The following RBFOX1 variants were observed in gnomAD, a reference collection of about 807,000 sequenced individuals.
RBFOX1 encodes the protein RNA binding fox-1 homolog 1.
RBFOX1 carries 8 observed loss-of-function variants against 57.7 expected under a neutral mutation model. The observed-to-expected ratio is 0.14, with a 90% CI of 0.08 to 0.25. RBFOX1 has a LOEUF of 0.25. Ranked by LOEUF, RBFOX1 falls within the 10% of genes least tolerant of loss-of-function variation. The pLI is 1.00. For synonymous variants in RBFOX1, 326 were observed against 222.4 expected (o/e 1.47, Z -4.15); for missense variants, 611 against 548.5 (o/e 1.11, Z -1.14).
chr16:5,375,259 C>T (rs2065956284), intron 1 of RBFOX1, among the ~76,000 whole-genome samples: 1 of 152,058 alleles, frequency 6.6e-6, no homozygotes, highest in Admixed American at 6.6e-5. Flanking sequence ...AATCAATTGA[C>T]CATGGAAGCT....
intron 4 of RBFOX1, among the ~76,000 whole-genome samples, chr16:7,219,486 C>T (rs1567760818): frequency 1.3e-5 from 2 of 152,150 alleles, no homozygotes; most frequent in Non-Finnish European, 2.9e-5. Context: ...ATGCATCTTT[C>T]CCTGAAAGCT....
intron 2 of RBFOX1, among the ~76,000 whole-genome samples, chr16:6,349,727 AAG>A (rs2085963841): frequency 6.6e-6 from 1 of 152,236 alleles, no homozygotes; most frequent in South Asian, 2.1e-4. Flanking sequence ...CCATGAAAAA[AAG>A]AGTAACATTA....
chr16:7,033,672 A>G (rs1030668818), intron 3 of RBFOX1, among the ~76,000 whole-genome samples: 3 of 152,118 alleles, frequency 2.0e-5, no homozygotes, highest in African/African-American at 7.2e-5. Context: ...GGAGGCTGGG[A>G]TGGGGCTTGG....
chr16:7,425,181 G>C (rs1342795692), intron 4 of RBFOX1, among the ~76,000 whole-genome samples: 1 of 152,086 alleles, frequency 6.6e-6, no homozygotes, highest in Non-Finnish European at 1.5e-5. Context: ...GTTTTGAAGT[G>C]CATTTTTGCT....
chr16:6,935,401 C>T (rs938090484), intron 3 of RBFOX1, among the ~76,000 whole-genome samples: 1 of 152,248 alleles, frequency 6.6e-6, no homozygotes, highest in African/African-American at 2.4e-5. Flanking sequence ...ATGTGACTTC[C>T]AACAGTAGAT....
intron 3 of RBFOX1, among the ~76,000 whole-genome samples, chr16:5,645,697 G>A (rs2151343352): frequency 6.6e-6 from 1 of 152,296 alleles, no homozygotes; most frequent in East Asian, 1.9e-4. Flanking sequence ...ACAGGATCTT[G>A]GTCTGGCACC....
At chr16:5,863,309 C>T (rs1405970342) in intron 3 of RBFOX1, among the ~76,000 whole-genome samples, 1 of 152,194 alleles carries the variant, frequency 6.6e-6, no homozygotes, top group Non-Finnish European at 1.5e-5. Context: ...GGAAGTTTCC[C>T]ACGTCCGTTT....
chr16:6,987,621 C>T (rs531444770), intron 3 of RBFOX1, among the ~76,000 whole-genome samples: 1 of 152,220 alleles, frequency 6.6e-6, no homozygotes, highest in African/African-American at 2.4e-5. Flanking sequence ...ATGGAATTTC[C>T]ATTCCGTTGA....
chr16:7,308,720 A>C (rs2096248301), intron 4 of RBFOX1, among the ~76,000 whole-genome samples: 1 of 152,202 alleles, frequency 6.6e-6, no homozygotes, highest in African/African-American at 2.4e-5. Flanking sequence ...TTTAATTAGA[A>C]AGCGATTCTC....
intron 3 of RBFOX1, among the ~76,000 whole-genome samples, chr16:6,844,701 C>G (rs186762759): frequency 6.6e-6 from 1 of 152,068 alleles, no homozygotes; most frequent in African/African-American, 2.4e-5. Flanking sequence ...GGTATATAGC[C>G]AGTAATTGGA....
rs539274751 is a variant in RBFOX1, at chr16:7,662,029, G to T, written c.891-2900G>T. Among the ~76,000 whole-genome samples, 12 of 152,232 alleles carry T rather than the reference G, an allele frequency of 7.9e-5. No individual in the cohort carries two copies. In the South Asian group the frequency reaches 2.3e-3, roughly 29 times the overall value. On this transcript the variant is annotated intron_variant, in intron 12 of 15. Transcript: ENST00000550418. ...ATGGTGCATAACAACTTGTCTTAAT[G>T]AAAGAAGGGATCAGTTTCTTGGCCA...
intron 4 of RBFOX1, among the ~76,000 whole-genome samples, chr16:7,112,127 G>C (rs2064905536): frequency 1.3e-5 from 2 of 152,176 alleles, no homozygotes; most frequent in Non-Finnish European, 2.9e-5. Flanking sequence ...ACCAAGTGTT[G>C]AAATATTAAA....
intron 4 of RBFOX1, among the ~76,000 whole-genome samples, chr16:7,310,687 ACTTGCCCAAAC>A (rs1469768561): frequency 1.3e-5 from 2 of 152,202 alleles, no homozygotes; most frequent in African/African-American, 4.8e-5. Flanking sequence ...TTAAACATAG[ACTTGCCCAAAC>A]CAAATAAAAC....
chr16:6,999,304 G>A (rs567366797), intron 3 of RBFOX1, among the ~76,000 whole-genome samples: 2 of 148,872 alleles, frequency 1.3e-5, no homozygotes, highest in South Asian at 4.3e-4. Context: ...CGGTCCACCT[G>A]CCTCGGCCTC....
rs145392462 is a variant in RBFOX1, at chr16:7,371,046, T to C, written c.28-147101T>C. Among the ~76,000 whole-genome samples the C allele has an allele frequency of 4.6e-4, 70 of 152,296 alleles. No homozygotes were observed. The East Asian group carries it at 0.013, about 27-fold the overall frequency. On this transcript the variant is annotated intron_variant, in intron 4 of 15. Coordinates refer to ENST00000550418, the MANE Select transcript of RBFOX1 (RefSeq NM_018723.4). ...GTCTGTATTTTTGACTTGCCTGTAT[T>C]TTGTTCTCCTCTCCTCTAAGCACCT...
intron 1 of RBFOX1, among the ~76,000 whole-genome samples, chr16:5,379,341 T>C (rs1025921639): frequency 2.0e-5 from 3 of 151,624 alleles, no homozygotes; most frequent in African/African-American, 4.9e-5. Context: ...TTCAGACCTC[T>C]CAGAGAAACA....
intron 4 of RBFOX1, among the ~76,000 whole-genome samples, chr16:7,501,602 G>C (rs9922855): frequency 0.53 from 79,849 of 151,996 alleles, 24,178 homozygotes; most frequent in Non-Finnish European, 0.7. Context: ...TCATTGCTTT[G>C]TTCTACTTTG....
At chr16:7,129,666 C>T (rs961011828) in intron 4 of RBFOX1, among the ~76,000 whole-genome samples, 1 of 151,986 alleles carries the variant, frequency 6.6e-6, no homozygotes, top group Non-Finnish European at 1.5e-5. Context: ...GAAGAGGGGC[C>T]TTGCAGAAAG....
intron 2 of RBFOX1, among the ~76,000 whole-genome samples, chr16:5,498,762 A>T (rs1168750553): frequency 6.6e-6 from 1 of 152,230 alleles, no homozygotes; most frequent in Non-Finnish European, 1.5e-5. Context: ...ACTGTACATT[A>T]TCTGGCAATT....
Sources: allele counts gnomAD v4.1 joint callset (sites outside exome capture counted in the v4.1 genomes callset), GRCh38; gene constraint gnomAD v4.1.1; transcripts MANE v1.5; gene names NCBI Gene and HGNC (gene_info 2026-07-23, HGNC 2026-07-21).